RIMS1: variants seen among roughly 807,000 people sequenced by gnomAD.
The protein encoded by RIMS1 is regulating synaptic membrane exocytosis protein 1.
RIMS1 carries 83 observed loss-of-function variants against 214.1 expected under a neutral mutation model. That is an observed-to-expected ratio of 0.39 (90% confidence interval 0.32 to 0.47). RIMS1 has a LOEUF of 0.47. Among genes scored for constraint, RIMS1 ranks in the 20% least tolerant of loss-of-function variants. The pLI is 0.99. For missense variants in RIMS1, 2,050 were observed against 2,161.8 expected (o/e 0.95, Z 1.03); for synonymous variants, 793 against 786.8 (o/e 1.01, Z -0.13).
Position 72,271,286 on chromosome 6 carries a change from AAT to A in RIMS1, c.3399-3034_3399-3033del, listed in dbSNP as rs1222564699. The stretch of plus-strand genomic sequence containing the variant: ...ATCTCAAGGAAAAAAAAAAAAAAAA[AAT>A]ATATATATATATATATATATATATA... On this transcript the variant is annotated intron_variant, in intron 22 of 33. Coordinates refer to ENST00000521978, the MANE Select transcript of RIMS1 (RefSeq NM_014989.7). Among the ~76,000 whole-genome samples the A allele has an allele frequency of 3.5e-3, 156 of 44,404 alleles. 1 individual carries two copies. Among genetic ancestry groups the A allele is most frequent in the African/African-American group, 0.012 (115 of 9,390 alleles). 29.1% of individuals were successfully genotyped at this position (44,404 alleles called of 152,430 possible).
At chr6:72,137,734 CTTT>C (rs1220065879) in intron 4 of RIMS1, among the ~76,000 whole-genome samples, 5 of 128,700 alleles carry the variant, frequency 3.9e-5, no homozygotes, top group Non-Finnish European at 6.7e-5. Flanking sequence ...TCTATACAAT[CTTT>C]TTTTTTTTTT....
chr6:72,174,515 T>C (rs942178387), intron 4 of RIMS1, among the ~76,000 whole-genome samples: 1 of 152,154 alleles, frequency 6.6e-6, no homozygotes, highest in Non-Finnish European at 1.5e-5. Context: ...TTTTCTAATG[T>C]ATCCTAAAAA....
intron 2 of RIMS1, among the ~76,000 whole-genome samples, chr6:72,085,506 G>T (rs540677160): frequency 2.0e-5 from 3 of 152,132 alleles, no homozygotes; most frequent in Non-Finnish European, 4.4e-5. Flanking sequence ...CAGAGGGGTA[G>T]TGCCCCAGAT....
chr6:72,396,278 A>G (rs1396853183), intron 31 of RIMS1, among the ~76,000 whole-genome samples: 1 of 152,174 alleles, frequency 6.6e-6, no homozygotes, highest in Non-Finnish European at 1.5e-5. Context: ...TACAAAACAC[A>G]CGTGTGTATG....
intron 1 of RIMS1, among the ~76,000 whole-genome samples, chr6:71,920,589 C>T (rs111666166): frequency 0.1 from 15,385 of 152,080 alleles, 1,012 homozygotes; most frequent in Non-Finnish European, 0.14. Flanking sequence ...TTAGTGGGTA[C>T]TCTGTTTATG....
chr6:72,286,388 A>G (rs1317687947), intron 24 of RIMS1, among the ~76,000 whole-genome samples: 4 of 152,212 alleles, frequency 2.6e-5, no homozygotes, highest in African/African-American at 7.2e-5. Flanking sequence ...CTGAAATGTA[A>G]TCTGTGGATA....
chr6:72,372,152 T>C (rs918256097), intron 29 of RIMS1, among the ~76,000 whole-genome samples: 5 of 152,222 alleles, frequency 3.3e-5, no homozygotes, highest in Non-Finnish European at 5.9e-5. Flanking sequence ...TCAGACCTCA[T>C]AATCTGTGTT....
chr6:72,323,622 C>T (rs928918904), intron 28 of RIMS1, among the ~76,000 whole-genome samples: 7 of 151,086 alleles, frequency 4.6e-5, no homozygotes, highest in Admixed American at 2.6e-4. Context: ...ATATAGAGTC[C>T]CAGAAGGAGA....
At chr6:72,342,915 G>T (rs1053375631) in intron 29 of RIMS1, among the ~76,000 whole-genome samples, 2 of 151,724 alleles carry the variant, frequency 1.3e-5, no homozygotes, top group African/African-American at 4.8e-5. Context: ...GAAAGCTGAA[G>T]GAGCTTGAGT....
intron 29 of RIMS1, among the ~76,000 whole-genome samples, chr6:72,377,000 C>T (rs930774254): frequency 1.3e-5 from 2 of 152,160 alleles, no homozygotes; most frequent in African/African-American, 4.8e-5. Flanking sequence ...TGGAAGTACA[C>T]ATTCATATAT....
At chr6:72,317,792 T>A (rs2095886488) in intron 28 of RIMS1, among the ~76,000 whole-genome samples, 1 of 152,144 alleles carries the variant, frequency 6.6e-6, no homozygotes, top group South Asian at 2.1e-4. Flanking sequence ...TTCAATTGCT[T>A]TACTACTCTT....
At chr6:72,325,974 T>C (rs984277955) in intron 28 of RIMS1, among the ~76,000 whole-genome samples, 11 of 151,864 alleles carry the variant, frequency 7.2e-5, no homozygotes, top group African/African-American at 2.2e-4. Flanking sequence ...TTAATATTGA[T>C]CAACAATATT....
rs1211227090 is a variant in RIMS1 at position 72,348,323 on chromosome 6, G to A, written c.4366+14488G>A. On this transcript the variant is annotated intron_variant, in intron 29 of 33. Coordinates refer to ENST00000521978, the MANE Select transcript of RIMS1 (RefSeq NM_014989.7). The stretch of plus-strand genomic sequence containing the variant: ...AAATATTATAGAAACCTGCATATGC[G>A]GAGGGATAGCTTTGATTTTGGTATA... Among the ~76,000 whole-genome samples, 11 of 151,790 alleles carry A rather than the reference G, an allele frequency of 7.2e-5. No individual in the cohort carries two copies. The East Asian group carries it at 7.7e-4, about 11-fold the overall frequency.
chr6:72,292,048 TATCCGATAAAGAGAG>T lies in RIMS1; in HGVS notation c.3850+6_3850+20del, dbSNP rs1266169127. The T allele has an allele frequency of 6.5e-7, 1 of 1,545,408 alleles. No homozygotes were observed. The highest frequency in any genetic ancestry group is 8.8e-7 in the Non-Finnish European group (1 of 1,141,036). ...TGAGAAGCGGCAGTATAGAACAAGG[TATCCGATAAAGAGAG>T]ATCATTGTCCAAAAATCTTGGATTT... On this transcript the variant is annotated splice_donor_5th_base_variant and intron_variant, in intron 26 of 33. Transcript: ENST00000521978.
intron 4 of RIMS1, among the ~76,000 whole-genome samples, chr6:72,150,843 G>C (rs2043456428): frequency 6.6e-6 from 1 of 152,116 alleles, no homozygotes; most frequent in Non-Finnish European, 1.5e-5. Context: ...AAGGTGAAGG[G>C]CCACAAGTTC....
chr6:72,108,980 T>C (rs1364115569), intron 4 of RIMS1, among the ~76,000 whole-genome samples: 1 of 151,690 alleles, frequency 6.6e-6, no homozygotes, highest in Admixed American at 6.6e-5. Flanking sequence ...GATAGTTTAC[T>C]GAGAATGAAG....
chr6:71,949,975 G>T (rs1482254869), intron 1 of RIMS1, among the ~76,000 whole-genome samples: 1 of 151,968 alleles, frequency 6.6e-6, no homozygotes, highest in Admixed American at 6.6e-5. Context: ...GCCATCACCT[G>T]GTAAATGAAT....
intron 29 of RIMS1, among the ~76,000 whole-genome samples, chr6:72,389,259 G>A (rs1379628395): frequency 6.6e-6 from 1 of 152,140 alleles, no homozygotes; most frequent in Admixed American, 6.5e-5. Context: ...ACTAACCATT[G>A]TCTTCCTTGA....
At chr6:72,069,692 A>T (rs1397422204) in intron 2 of RIMS1, among the ~76,000 whole-genome samples, 2 of 152,222 alleles carry the variant, frequency 1.3e-5, no homozygotes, top group Admixed American at 6.5e-5. Flanking sequence ...CTGAGAGATG[A>T]AGCTCTCTCT....
Sources: allele counts gnomAD v4.1 joint callset (sites outside exome capture counted in the v4.1 genomes callset), GRCh38; gene constraint gnomAD v4.1.1; transcripts MANE v1.5; gene names NCBI Gene and HGNC (gene_info 2026-07-23, HGNC 2026-07-21).